The following MED30 variants were observed in gnomAD, a reference collection of about 807,000 sequenced individuals.
MED30 encodes mediator complex subunit 30.
Under a neutral mutation model 21.7 loss-of-function variants are expected in MED30, and 8 were observed. That is an observed-to-expected ratio of 0.37 (90% confidence interval 0.22 to 0.67). The LOEUF (loss-of-function observed/expected upper bound fraction) is 0.67, where lower values mean the gene tolerates loss of function less well. Ranked by LOEUF, MED30 falls within the 30% of genes least tolerant of loss-of-function variation. The probability of loss-of-function intolerance (pLI) is 0.58; values close to 1 mark genes in which losing one functional copy is unlikely to be tolerated. For missense variants in MED30, 203 were observed against 228.2 expected, an observed-to-expected ratio of 0.89 and a Z score of 0.71; for synonymous variants, 79 against 86.7, an observed-to-expected ratio of 0.91 and a Z score of 0.49.
At chr8:117,522,924 A>C (rs936493152) in intron 1 of MED30, among the ~76,000 whole-genome samples, 1 of 152,190 alleles carries the variant, frequency 6.6e-6, no homozygotes, top group African/African-American at 2.4e-5. Context: ...TTCCTTGGTC[A>C]GGTACCCTGT....
intron 3 of MED30, among the ~76,000 whole-genome samples, chr8:117,539,446 C>T (rs776172517): frequency 2.1e-4 from 32 of 151,344 alleles, no homozygotes; most frequent in Non-Finnish European, 4.4e-4. Flanking sequence ...GCCAAGATTG[C>T]GCCACTGCAC....
intron 1 of MED30, among the ~76,000 whole-genome samples, chr8:117,526,084 T>G (rs1307233632): frequency 6.6e-6 from 1 of 151,860 alleles, no homozygotes; most frequent in African/African-American, 2.4e-5. Context: ...AAAGTTTTTT[T>G]CTAGGTATTT....
At chr8:117,528,532 G>A in intron 1 of MED30, 119 bp from the exon 2 acceptor site, 1 of 731,938 alleles carries the variant, frequency 1.4e-6, no homozygotes, top group Non-Finnish European at 2.1e-6. Context: ...TCAGTTGTGA[G>A]GGACAGCTTA....
intron 1 of MED30, among the ~76,000 whole-genome samples, chr8:117,525,942 T>C (rs1352483976): frequency 6.6e-6 from 1 of 152,118 alleles, no homozygotes; most frequent in Non-Finnish European, 1.5e-5. Flanking sequence ...TTAGCATTTT[T>C]ATTAGGTCCG....
At chr8:117,525,937 A>G (rs1009590958) in intron 1 of MED30, among the ~76,000 whole-genome samples, 2 of 152,028 alleles carry the variant, frequency 1.3e-5, no homozygotes, top group African/African-American at 4.8e-5. Flanking sequence ...GCCTGTTAGC[A>G]TTTTTATTAG....
chr8:117,524,873 T>G (rs1818695543), intron 1 of MED30, among the ~76,000 whole-genome samples: 1 of 152,210 alleles, frequency 6.6e-6, no homozygotes, highest in Non-Finnish European at 1.5e-5. Context: ...CTTGCTTTTT[T>G]CAGTTGATAT....
Position 117,520,974 on chromosome 8 carries a change from T to G in MED30, c.98T>G (p.Leu33Arg). ...QAAREVNTAS[L>R]CRIGQETVQD... Reference sequence around the variant, plus strand: ...GCCCGGGAAGTCAACACGGCGTCGCTGTGCCGCATCGGGCAGGAGACAGTG... The same window carrying G: ...GCCCGGGAAGTCAACACGGCGTCGCGGTGCCGCATCGGGCAGGAGACAGTG... Residue 33 changes from leucine (L) to arginine (R), a missense_variant, in exon 1 of 4, where the codon CTG (leucine) becomes CGG (arginine). Leu to Arg is a moderately radical substitution (Grantham distance 102). Coordinates refer to ENST00000297347, the MANE Select transcript of MED30 (RefSeq NM_080651.4). 1 of 1,613,140 alleles carries G rather than the reference T, an allele frequency of 6.2e-7. No homozygotes were observed. The highest frequency in any genetic ancestry group is 2.2e-5 in the East Asian group (1 of 44,836).
At chr8:117,538,296 T>C (rs1586867199) in intron 3 of MED30, among the ~76,000 whole-genome samples, 1 of 152,184 alleles carries the variant, frequency 6.6e-6, no homozygotes, top group African/African-American at 2.4e-5. Flanking sequence ...ATAGTCCTGT[T>C]TTTCTCTGAC....
chr8:117,539,405 G>A (rs969040624), intron 3 of MED30, among the ~76,000 whole-genome samples: 16 of 151,936 alleles, frequency 1.1e-4, no homozygotes, highest in Non-Finnish European at 2.2e-4. Flanking sequence ...CAGGAGAATC[G>A]CTGAAACCCA....
At chr8:117,523,260 A>G (rs546709359) in intron 1 of MED30, 48 of 1,114,294 alleles carry the variant, frequency 4.3e-5, no homozygotes, top group African/African-American at 1.5e-5. Flanking sequence ...ATCCTCTCCA[A>G]TTTTACTGAG....
At chr8:117,523,353 G>C in intron 1 of MED30, 1 of 1,514,112 alleles carries the variant, frequency 6.6e-7, no homozygotes, top group East Asian at 2.3e-5. Context: ...CTTTCTTGTC[G>C]GCACCAGGGG....
chr8:117,539,745 G>A (rs1211977377), intron 3 of MED30, 138 bp from the exon 4 acceptor site: 1 of 580,494 alleles, frequency 1.7e-6, no homozygotes, highest in African/African-American at 2.0e-5. Context: ...GAAGAGGGTT[G>A]AGACCATCTG....
intron 1 of MED30, among the ~76,000 whole-genome samples, chr8:117,521,859 A>G (rs1179805801): frequency 6.6e-6 from 1 of 152,172 alleles, no homozygotes; most frequent in East Asian, 1.9e-4. Flanking sequence ...GCTGTTGTAA[A>G]TAATGCTGCT....
intron 1 of MED30, chr8:117,523,298 C>T: frequency 3.0e-6 from 4 of 1,317,134 alleles, no homozygotes; most frequent in South Asian, 1.2e-5. Flanking sequence ...CGACCAAATC[C>T]GCCTCTAAAC....
intron 2 of MED30, among the ~76,000 whole-genome samples, chr8:117,529,239 A>G (rs1818762700): frequency 6.6e-6 from 1 of 151,900 alleles, no homozygotes; most frequent in Non-Finnish European, 1.5e-5. Flanking sequence ...TGGAATCACT[A>G]TATTTTAAAA....
At chr8:117,523,725 T>C (rs1458584527) in intron 1 of MED30, 31 of 1,470,492 alleles carry the variant, frequency 2.1e-5, no homozygotes, top group Middle Eastern at 2.4e-4. Context: ...AAGGAGTTCA[T>C]AGGCTAGGCG....
chr8:117,523,010 T>C (rs771501008), intron 1 of MED30, among the ~76,000 whole-genome samples: 32 of 152,086 alleles, frequency 2.1e-4, no homozygotes, highest in Non-Finnish European at 3.7e-4. Context: ...AGAGAAAAAA[T>C]AAATTACCCA....
At chr8:117,521,131 C>A in intron 1 of MED30, 78 bp downstream of exon 1, 1 of 1,398,178 alleles carries the variant, frequency 7.2e-7, no homozygotes, top group Non-Finnish European at 9.6e-7. Flanking sequence ...TACGTGGGGC[C>A]CGTGGATGTC....
At chr8:117,534,394 G>A (rs994595427) in intron 3 of MED30, among the ~76,000 whole-genome samples, 1 of 152,072 alleles carries the variant, frequency 6.6e-6, no homozygotes, top group Non-Finnish European at 1.5e-5. Context: ...CGGAATGAAA[G>A]TATTTTAAAT....
Sources: allele counts gnomAD v4.1 joint callset (sites outside exome capture counted in the v4.1 genomes callset), GRCh38; gene constraint gnomAD v4.1.1; transcripts MANE v1.5; gene names NCBI Gene and HGNC (gene_info 2026-07-23, HGNC 2026-07-21).